AMBRA1: variants seen among roughly 807,000 people sequenced by gnomAD.
AMBRA1 encodes autophagy and beclin 1 regulator 1.
Under a neutral mutation model 125.4 loss-of-function variants are expected in AMBRA1, and 47 were observed. The ratio of observed to expected loss-of-function variants is 0.37; its 90% CI spans 0.30 to 0.48. AMBRA1 has a LOEUF of 0.48. Among genes scored for constraint, AMBRA1 ranks in the 20% least tolerant of loss-of-function variants. The pLI is 0.99. For synonymous variants in AMBRA1, 626 were observed against 655.5 expected, an observed-to-expected ratio of 0.95 and a Z score of 0.69; for missense variants, 1,331 against 1,693.4, an observed-to-expected ratio of 0.79 and a Z score of 3.76.
intron 7 of AMBRA1, among the ~76,000 whole-genome samples, chr11:46,535,006 T>C (rs2135142775): frequency 6.6e-6 from 1 of 152,302 alleles, no homozygotes; most frequent in Middle Eastern, 3.4e-3. Context: ...TGAGTTTACC[T>C]TCCCCAGCTT....
intron 11 of AMBRA1, among the ~76,000 whole-genome samples, chr11:46,489,686 A>G (rs965307410): frequency 3.3e-5 from 5 of 152,234 alleles, no homozygotes; most frequent in Non-Finnish European, 7.3e-5. Flanking sequence ...TATGCAGGAC[A>G]GACAGCTAAT....
chr11:46,488,962 G>T (rs1950365368), intron 11 of AMBRA1, among the ~76,000 whole-genome samples: 1 of 152,156 alleles, frequency 6.6e-6, no homozygotes, highest in Non-Finnish European at 1.5e-5. Context: ...AAGTGCGGGG[G>T]CGAGATCTTG....
At chr11:46,476,288 G>A (rs1949808546) in intron 11 of AMBRA1, among the ~76,000 whole-genome samples, 1 of 152,198 alleles carries the variant, frequency 6.6e-6, no homozygotes, top group African/African-American at 2.4e-5. Flanking sequence ...ATGAGTCTCA[G>A]GGTTGGCAGG....
At chr11:46,431,052 G>A (rs2136699878) in intron 14 of AMBRA1, among the ~76,000 whole-genome samples, 1 of 152,324 alleles carries the variant, frequency 6.6e-6, no homozygotes, top group South Asian at 2.1e-4. Flanking sequence ...TTTGCTGAGT[G>A]ATCTGGTGCC....
Position 46,542,187 on chromosome 11 carries a change from T to C in AMBRA1, c.1830A>G (p.Pro610=), listed in dbSNP as rs751686632. ...WQVPSSFESV[P]SSGSQLPPLE... Reference sequence around the variant, plus strand: ...GAGGTGGCAACTGGCTGCCACTTGATGGCACACTCTCAAAGGAGCTGGGGA... The same window carrying C: ...GAGGTGGCAACTGGCTGCCACTTGACGGCACACTCTCAAAGGAGCTGGGGA... The change falls in exon 7 of 18, where the codon CCA becomes CCG. Residue 610 remains proline (P), a synonymous_variant. Coordinates refer to ENST00000683756, the MANE Select transcript of AMBRA1 (RefSeq NM_001387011.1). This position sits in a 1 kb window ranked among gnomAD's most constrained non-coding sequence, Gnocchi z 5.9. 43 of 1,613,640 alleles carry C rather than the reference T, an allele frequency of 2.7e-5. No individual in the cohort carries two copies. In the South Asian group the frequency reaches 3.3e-4, roughly 12 times the overall value.
At chr11:46,447,003 T>G (rs1008617135) in intron 11 of AMBRA1, among the ~76,000 whole-genome samples, 1 of 152,248 alleles carries the variant, frequency 6.6e-6, no homozygotes, top group Admixed American at 6.5e-5. Context: ...TTATCTACTA[T>G]AGTGTGACTT....
rs923846394 is a variant in AMBRA1, at chr11:46,520,056, T to G, written c.2073-7243A>C. Among the ~76,000 whole-genome samples, 52 of 151,724 alleles carry G rather than the reference T, an allele frequency of 3.4e-4. No homozygotes were observed. The Middle Eastern group carries it at 0.014, about 40-fold the overall frequency. ...CAGGTGGCTGAGGCAGGAGAATCGC[T>G]TGAACCCAGGAGGCAGAGGTTGCAG... On this transcript the variant is annotated intron_variant, in intron 7 of 17. Transcript: ENST00000683756.
intron 1 of AMBRA1, among the ~76,000 whole-genome samples, chr11:46,592,553 T>C (rs1181641307): frequency 6.6e-6 from 1 of 150,448 alleles, no homozygotes; most frequent in Admixed American, 6.6e-5. Context: ...AGGCCAGGAG[T>C]TCAAGACCAG....
In AMBRA1 at chr11:46,408,856, G is replaced by A. The variant is rs1946148109; in HGVS notation, c.3210-150C>T. ...TGTGCTCCTGCAACTACATCTTGATGGTGGTTAACTTGTCTGTGTCCATTC... is the reference window on the plus strand; with the variant it reads ...TGTGCTCCTGCAACTACATCTTGATAGTGGTTAACTTGTCTGTGTCCATTC... On this transcript the variant is annotated intron_variant, in intron 16 of 17. Coordinates refer to ENST00000683756, the MANE Select transcript of AMBRA1 (RefSeq NM_001387011.1). The A allele has an allele frequency of 6.2e-6, 4 of 644,820 alleles. No individual in the cohort carries two copies. The East Asian group carries it at 9.9e-5, about 16-fold the overall frequency. The allele number at this position is 644,820 out of a possible 1,614,324, so 39.9% of individuals were successfully genotyped here.
chr11:46,465,632 G>A (rs1356884849), intron 11 of AMBRA1, among the ~76,000 whole-genome samples: 3 of 152,132 alleles, frequency 2.0e-5, no homozygotes, highest in East Asian at 3.8e-4. Context: ...AGTGCAAAGA[G>A]AAAAAGTGGA....
chr11:46,466,910 CTTTTCTTTTTTCT>C (rs1949352681), intron 11 of AMBRA1, among the ~76,000 whole-genome samples: 5 of 129,764 alleles, frequency 3.9e-5, no homozygotes, highest in South Asian at 5.0e-4. Flanking sequence ...TTCTTTTTTT[CTTTTCTTTTTTCT>C]TTTTTTTTTT....
intron 14 of AMBRA1, among the ~76,000 whole-genome samples, chr11:46,426,719 T>C (rs1161197080): frequency 6.6e-6 from 1 of 152,190 alleles, no homozygotes; most frequent in Admixed American, 6.5e-5. Context: ...GATAGATGCT[T>C]TGTGCCACAT....
At chr11:46,589,258 T>G (rs1437122574) in intron 1 of AMBRA1, among the ~76,000 whole-genome samples, 3 of 152,068 alleles carry the variant, frequency 2.0e-5, no homozygotes, top group Non-Finnish European at 2.9e-5. Context: ...TAATTTTAGC[T>G]GTGCAAAAAA....
At chr11:46,413,857 G>A (rs1440757070) in intron 15 of AMBRA1, among the ~76,000 whole-genome samples, 1 of 152,208 alleles carries the variant, frequency 6.6e-6, no homozygotes, top group East Asian at 1.9e-4. Context: ...ATCCCAACAT[G>A]TCCTGGTGTC....
At chr11:46,527,428 C>T (rs1260869904) in intron 7 of AMBRA1, among the ~76,000 whole-genome samples, 1 of 125,028 alleles carries the variant, frequency 8.0e-6, no homozygotes, top group African/African-American at 3.1e-5. Context: ...TACAGTGAGC[C>T]GAGATCATGC....
chr11:46,566,700 T>C (rs1370261260), intron 1 of AMBRA1, among the ~76,000 whole-genome samples: 3 of 152,122 alleles, frequency 2.0e-5, no homozygotes, highest in Non-Finnish European at 4.4e-5. Context: ...TTGCAAAAAT[T>C]GTAACAGTAA....
At chr11:46,404,248 G>A (rs1020175799) in intron 17 of AMBRA1, among the ~76,000 whole-genome samples, 5 of 152,150 alleles carry the variant, frequency 3.3e-5, no homozygotes, top group Non-Finnish European at 4.4e-5. Flanking sequence ...GTACAGGTGG[G>A]ATCTCCCTTC....
At chr11:46,522,273 T>G (rs921011287) in intron 7 of AMBRA1, among the ~76,000 whole-genome samples, 1 of 152,232 alleles carries the variant, frequency 6.6e-6, no homozygotes, top group Non-Finnish European at 1.5e-5. Flanking sequence ...GGCACTATGC[T>G]TAGCTCCTAT....
intron 11 of AMBRA1, among the ~76,000 whole-genome samples, chr11:46,450,539 A>G (rs1381505198): frequency 6.6e-6 from 1 of 151,998 alleles, no homozygotes; most frequent in Non-Finnish European, 1.5e-5. Context: ...TTCTGGGCTC[A>G]GATGATCCTC....
Sources: allele counts gnomAD v4.1 joint callset (sites outside exome capture counted in the v4.1 genomes callset), GRCh38; gene constraint gnomAD v4.1.1; non-coding constraint Gnocchi (gnomAD v3.1); transcripts MANE v1.5; gene names NCBI Gene and HGNC (gene_info 2026-07-23, HGNC 2026-07-21).